MAP3K1: variants seen among roughly 807,000 people sequenced by gnomAD.
The protein encoded by MAP3K1 is mitogen-activated protein kinase kinase kinase 1.
A neutral mutation model predicts 144.2 loss-of-function variants in MAP3K1; 36 were observed. The ratio of observed to expected loss-of-function variants is 0.25; its 90% confidence interval spans 0.19 to 0.33. The LOEUF (loss-of-function observed/expected upper bound fraction) is 0.33. Among genes scored for constraint, MAP3K1 ranks in the 10% least tolerant of loss-of-function variants. The probability of loss-of-function intolerance (pLI) is 1.00; values close to 1 mark genes in which losing one functional copy is unlikely to be tolerated. For missense variants in MAP3K1, 1,650 were observed against 1,881.9 expected, an observed-to-expected ratio of 0.88 and a Z score of 2.28; for synonymous variants, 718 against 688.7, an observed-to-expected ratio of 1.04 and a Z score of -0.67.
chr5:56,827,499 C>T (rs1162900769), intron 1 of MAP3K1, among the ~76,000 whole-genome samples: 3 of 152,158 alleles, frequency 2.0e-5, no homozygotes, highest in African/African-American at 7.2e-5. Context: ...TGAATTCCAT[C>T]CACTGTGGTC....
chr5:56,870,737 A>G (rs1747826825), intron 6 of MAP3K1, among the ~76,000 whole-genome samples: 1 of 152,208 alleles, frequency 6.6e-6, no homozygotes, highest in South Asian at 2.1e-4. Context: ...ATGGCTGTAT[A>G]AGATTATGTT....
At position 56,816,019 on chromosome 5, in the gene MAP3K1, C is replaced by T; in HGVS notation, c.446C>T (p.Pro149Leu). 8.2e-7 allele frequency: 1 copy of T among 1,224,448 alleles called. No homozygotes were observed. The highest frequency in any genetic ancestry group is 1.0e-6 in the Non-Finnish European group (1 of 984,910). 75.8% of individuals were successfully genotyped at this position (1,224,448 alleles called of 1,614,324 possible). A position where few individuals can be genotyped will look rare whatever the true frequency, so the allele number is the denominator to read the frequency against. ...GCCGAGCCCGGGGAGAAGCGGGCGC[C>T]CGCCGCCGAGCCGTCTCCTGCAGCG... ...AAAEPGEKRA[P>L]AAEPSPAAAP... The change falls in exon 1 of 20, where the codon CCC (proline) becomes CTC (leucine). Residue 149 changes from proline to leucine, a missense_variant. By Grantham distance (98) the Pro-to-Leu change is moderately conservative (BLOSUM62 -3). This residue lies in a region of MAP3K1 where 360 missense variants were observed against 274.7 expected (regional missense o/e 1.31). Transcript: ENST00000399503.
At chr5:56,873,136 C>A in intron 9 of MAP3K1, 131 bp downstream of exon 9, 2 of 825,182 alleles carry the variant, frequency 2.4e-6, no homozygotes, top group Non-Finnish European at 3.9e-6. Context: ...CTTCATTCCA[C>A]TGGAAATTTT....
intron 16 of MAP3K1, 51 bp from the exon 17 acceptor site, chr5:56,885,881 T>G: frequency 1.3e-6 from 2 of 1,550,324 alleles, no homozygotes; most frequent in Non-Finnish European, 1.8e-6. Context: ...GTGTAATAAA[T>G]ACTTTTAATT....
At chr5:56,835,151 A>G (rs896307536) in intron 1 of MAP3K1, among the ~76,000 whole-genome samples, 7 of 152,222 alleles carry the variant, frequency 4.6e-5, no homozygotes, top group Non-Finnish European at 1.0e-4. Flanking sequence ...GGGCAGGCCC[A>G]GGATCACATC....
intron 6 of MAP3K1, among the ~76,000 whole-genome samples, chr5:56,870,073 A>C (rs1747804092): frequency 6.6e-6 from 1 of 152,162 alleles, no homozygotes; most frequent in Non-Finnish European, 1.5e-5. Flanking sequence ...TCTGTTTTTC[A>C]GGGAAAAGTA....
chr5:56,869,791 T>G (rs960084567), intron 6 of MAP3K1, among the ~76,000 whole-genome samples: 5 of 152,194 alleles, frequency 3.3e-5, no homozygotes, highest in Non-Finnish European at 5.9e-5. Flanking sequence ...GCCATGAATA[T>G]TTTTATTATA....
At chr5:56,821,922 A>G (rs1371175775) in intron 1 of MAP3K1, among the ~76,000 whole-genome samples, 1 of 152,252 alleles carries the variant, frequency 6.6e-6, no homozygotes, top group Non-Finnish European at 1.5e-5. Flanking sequence ...ATATCTGAAG[A>G]TTAACTTACT....
chr5:56,876,565 G>A (rs1748038856), intron 10 of MAP3K1, among the ~76,000 whole-genome samples: 1 of 152,112 alleles, frequency 6.6e-6, no homozygotes, highest in Non-Finnish European at 1.5e-5. Flanking sequence ...CTTGCATAAT[G>A]TGCTGGTTAA....
At chr5:56,820,555 C>G in intron 1 of MAP3K1, 1 of 985,222 alleles carries the variant, frequency 1.0e-6, no homozygotes, top group Non-Finnish European at 1.2e-6. Flanking sequence ...TCATGTCAGC[C>G]AAAGAGGGTT....
rs1166172613 is a variant in MAP3K1, at chr5:56,894,753, T to G, written c.*1073T>G. ...TTTACCATGCATCATCTCTTTACAGTAGGCCTGGCAGATCATTTTTTAAAA... is the reference window on the plus strand; with the variant it reads ...TTTACCATGCATCATCTCTTTACAGGAGGCCTGGCAGATCATTTTTTAAAA... On this transcript the variant is annotated 3_prime_UTR_variant, in exon 20 of 20. Coordinates refer to ENST00000399503, the MANE Select transcript of MAP3K1 (RefSeq NM_005921.2). 8.6e-6 allele frequency: 2 copies of G among 232,130 alleles called. No individual in the cohort carries two copies. The highest frequency in any genetic ancestry group is 1.7e-5 in the Non-Finnish European group (2 of 117,476). 14.4% of individuals were successfully genotyped at this position (232,130 alleles called of 1,614,324 possible).
intron 13 of MAP3K1, 89 bp downstream of exon 13, chr5:56,881,361 A>G (rs934842418): frequency 8.2e-7 from 1 of 1,213,228 alleles, no homozygotes; most frequent in Non-Finnish European, 1.2e-6. Context: ...TTTTTGAAAG[A>G]CTCAGAGCAT....
intron 1 of MAP3K1, among the ~76,000 whole-genome samples, chr5:56,829,008 G>A (rs1435956347): frequency 1.3e-5 from 2 of 151,922 alleles, no homozygotes; most frequent in Non-Finnish European, 2.9e-5. Flanking sequence ...ACAGCTACTA[G>A]AAAATGCAAC....
chr5:56,877,687 A>G (rs544551572), intron 10 of MAP3K1, among the ~76,000 whole-genome samples: 2 of 152,224 alleles, frequency 1.3e-5, no homozygotes, highest in East Asian at 1.9e-4. Flanking sequence ...TTCATACTCA[A>G]ATCTCTTCAG....
At position 56,815,855 on chromosome 5, in the gene MAP3K1, G is replaced by A; in HGVS notation, c.282G>A (p.Glu94=). The A allele has an allele frequency of 2.9e-6, 4 of 1,399,552 alleles. No homozygotes were observed. Among genetic ancestry groups the A allele is most frequent in the Admixed American group, 2.6e-5 (1 of 39,010 alleles). 86.7% of individuals were successfully genotyped at this position (1,399,552 alleles called of 1,614,324 possible). A position where few individuals can be genotyped will look rare whatever the true frequency, so the allele number is the denominator to read the frequency against. Residue 94 remains glutamate, a synonymous_variant, in exon 1 of 20, where the codon GAG becomes GAA. Transcript: ENST00000399503. ...PPASSTSPSP[E]PADAAGSGTG... Reference sequence around the variant, plus strand: ...CCTCCTCGACTTCCCCGTCGCCGGAGCCCGCGGACGCAGCGGGGAGTGGGA... The same window carrying A: ...CCTCCTCGACTTCCCCGTCGCCGGAACCCGCGGACGCAGCGGGGAGTGGGA...
chr5:56,880,558 T>A (rs576560712), intron 11 of MAP3K1, among the ~76,000 whole-genome samples, 153 bp from the exon 12 acceptor site: 3 of 152,300 alleles, frequency 2.0e-5, no homozygotes, highest in Admixed American at 2.0e-4. Flanking sequence ...CTACTTATGG[T>A]GACATTGTTA....
chr5:56,857,538 G>A (rs1006368190), intron 2 of MAP3K1, among the ~76,000 whole-genome samples: 1 of 152,140 alleles, frequency 6.6e-6, no homozygotes, highest in South Asian at 2.1e-4. Flanking sequence ...GCTTTGACAA[G>A]GGTCTAAATA....
At chr5:56,872,069 A>G in intron 7 of MAP3K1, 38 bp downstream of exon 7, 1 of 1,613,354 alleles carries the variant, frequency 6.2e-7, no homozygotes, top group Non-Finnish European at 8.5e-7. Flanking sequence ...TACTCAACAC[A>G]GTTGCTCTCT....
In MAP3K1 at chr5:56,886,006, T is replaced by C. The variant is rs749528943; in HGVS notation, c.4057T>C (p.Leu1353=). The change falls in exon 17 of 20, where the codon TTA becomes CTA. Residue 1353 remains leucine (L), a synonymous_variant. Coordinates refer to ENST00000399503, the MANE Select transcript of MAP3K1 (RefSeq NM_005921.2). ...ESVVINYTEQ[L]LRGLSYLHEN... is the part of the protein sequence containing the mutation. The stretch of plus-strand genomic sequence containing the variant: ...AGTAGTTATTAACTACACTGAACAG[T>C]TACTCCGTGGCCTTTCGTATCTCCA... 6.2e-7 allele frequency: 1 copy of C among 1,612,200 alleles called. No individual in the cohort carries two copies. The highest frequency in any genetic ancestry group is 1.1e-5 in the South Asian group (1 of 91,064).
Sources: gnomAD v4.1 joint callset for allele counts (sites outside exome capture counted in the v4.1 genomes callset) on GRCh38, gnomAD v4.1.1 for gene constraint, gnomAD v4.1.1 regional missense constraint, MANE v1.5 for transcripts, NCBI Gene and HGNC (gene_info 2026-07-23, HGNC 2026-07-21) for gene names.